SLC35F3: variants seen among roughly 807,000 people sequenced by gnomAD.
The protein encoded by SLC35F3 is putative thiamine transporter SLC35F3.
SLC35F3 carries 25 observed loss-of-function variants against 49.9 expected under a neutral mutation model. The observed-to-expected ratio is 0.50, with a 90% confidence interval of 0.37 to 0.70. SLC35F3 has a LOEUF of 0.70. Among genes scored for constraint, SLC35F3 ranks in the 30% least tolerant of loss-of-function variants. The pLI, the probability that SLC35F3 is intolerant of heterozygous loss-of-function variation, is 0.00. For synonymous variants in SLC35F3, 275 were observed against 265.4 expected (o/e 1.04, Z -0.35); for missense variants, 525 against 639.8 (o/e 0.82, Z 1.94).
At chr1:233,928,965 A>G (rs1296530327) in intron 2 of SLC35F3, among the ~76,000 whole-genome samples, 1 of 152,156 alleles carries the variant, frequency 6.6e-6, no homozygotes, top group African/African-American at 2.4e-5. Flanking sequence ...AAATTTAAAT[A>G]AAGTCTTAGT....
intron 2 of SLC35F3, among the ~76,000 whole-genome samples, chr1:233,976,756 G>A (rs1461254975): frequency 1.6e-4 from 24 of 152,050 alleles, no homozygotes; most frequent in Admixed American, 1.6e-3. Flanking sequence ...GATTACAGGT[G>A]TCTGCCACCA....
intron 2 of SLC35F3, among the ~76,000 whole-genome samples, chr1:234,174,015 C>T (rs1477280389): frequency 6.6e-6 from 1 of 152,230 alleles, no homozygotes; most frequent in Non-Finnish European, 1.5e-5. Context: ...GAACCAGAGG[C>T]CTCTTCCAGG....
intron 2 of SLC35F3, among the ~76,000 whole-genome samples, chr1:233,985,805 A>G (rs1236603463): frequency 6.6e-6 from 1 of 152,222 alleles, no homozygotes; most frequent in African/African-American, 2.4e-5. Flanking sequence ...ACCAGTCTTT[A>G]TGTGGGTGCA....
intron 2 of SLC35F3, among the ~76,000 whole-genome samples, chr1:234,006,810 G>C (rs1663637546): frequency 6.6e-6 from 1 of 152,122 alleles, no homozygotes; most frequent in Admixed American, 6.6e-5. Context: ...AATGAAGTGG[G>C]GAGCTACCAT....
intron 3 of SLC35F3, among the ~76,000 whole-genome samples, chr1:234,234,855 G>C (rs759343848): frequency 6.6e-6 from 1 of 152,180 alleles, no homozygotes. Flanking sequence ...GTGATCAAAT[G>C]ACACGCTGTA....
chr1:234,228,826 C>T lies in SLC35F3; in HGVS notation c.284-2591C>T, dbSNP rs146563693. 3.1e-3 allele frequency among the ~76,000 whole-genome samples: 466 copies of T among 152,262 alleles called. 5 individuals carry two copies. The highest frequency in any genetic ancestry group is 2.7e-3 in the Non-Finnish European group (183 of 68,024). On this transcript the variant is annotated intron_variant, in intron 2 of 7. Coordinates refer to ENST00000366618, the MANE Select transcript of SLC35F3 (RefSeq NM_173508.4). ...GAATTGTGATATCCCTGGGTGCTAA[C>T]ATCACTAAAAATTGCTTTTTCTTTT...
intron 3 of SLC35F3, among the ~76,000 whole-genome samples, chr1:234,302,761 TTC>T (rs751342941): frequency 6.6e-6 from 1 of 151,818 alleles, no homozygotes; most frequent in African/African-American, 2.4e-5. Context: ...ATTGCAGGGC[TTC>T]TCTCTCTCTC....
At chr1:234,039,565 T>C (rs1320484719) in intron 2 of SLC35F3, among the ~76,000 whole-genome samples, 3 of 152,122 alleles carry the variant, frequency 2.0e-5, no homozygotes, top group Admixed American at 6.5e-5. Flanking sequence ...GAAACAAGCA[T>C]GGAGAGGCAG....
At chr1:234,088,238 C>T (rs1664988948) in intron 2 of SLC35F3, among the ~76,000 whole-genome samples, 1 of 152,162 alleles carries the variant, frequency 6.6e-6, no homozygotes, top group Non-Finnish European at 1.5e-5. Context: ...TGTTTTGAGA[C>T]AGAGTCTCGC....
chr1:234,275,761 A>AT (rs201588632), intron 3 of SLC35F3, among the ~76,000 whole-genome samples: 2,089 of 137,264 alleles, frequency 0.015, 44 homozygotes, highest in African/African-American at 0.054. Flanking sequence ...TGAAAAAAAA[A>AT]AAATATATAT....
At chr1:233,981,643 G>A (rs1258748960) in intron 2 of SLC35F3, among the ~76,000 whole-genome samples, 3 of 151,338 alleles carry the variant, frequency 2.0e-5, no homozygotes, top group African/African-American at 7.3e-5. Flanking sequence ...TCTTTGTGTG[G>A]ACAGAATTCC....
In SLC35F3 at chr1:234,044,638, G is replaced by C. The variant is rs1340664216; in HGVS notation, c.283+138880G>C. On this transcript the variant is annotated intron_variant, in intron 2 of 7. Coordinates refer to ENST00000366618, the MANE Select transcript of SLC35F3 (RefSeq NM_173508.4). ...TTTTCAATTTTTGGTCAATTTCAAG[G>C]GTATAAAATTATTCATTTTTATTGC... is the stretch of plus-strand genomic sequence containing the variant. Among the ~76,000 whole-genome samples, 3 of 152,024 alleles carry C rather than the reference G, an allele frequency of 2.0e-5. No individual in the cohort carries two copies. The South Asian group carries it at 6.2e-4, about 31-fold the overall frequency.
chr1:233,912,876 C>T (rs547814274), intron 2 of SLC35F3, among the ~76,000 whole-genome samples: 1 of 152,214 alleles, frequency 6.6e-6, no homozygotes, highest in Non-Finnish European at 1.5e-5. Context: ...CCATGGGAAG[C>T]AAAACCATGG....
chr1:234,138,305 T>C (rs1266763030), intron 2 of SLC35F3, among the ~76,000 whole-genome samples: 3 of 152,204 alleles, frequency 2.0e-5, no homozygotes, highest in Non-Finnish European at 4.4e-5. Context: ...TACATTACTT[T>C]CCCTTTCAAT....
intron 3 of SLC35F3, among the ~76,000 whole-genome samples, chr1:234,235,006 A>T (rs369266426): frequency 9.2e-5 from 14 of 152,290 alleles, no homozygotes; most frequent in African/African-American, 3.4e-4. Context: ...AATTTAAACT[A>T]CGAGAGTGCC....
At chr1:234,264,082 C>G (rs1458425907) in intron 3 of SLC35F3, among the ~76,000 whole-genome samples, 1 of 152,152 alleles carries the variant, frequency 6.6e-6, no homozygotes, top group Non-Finnish European at 1.5e-5. Flanking sequence ...ACACTCCAGC[C>G]TGGGCGACAG....
chr1:233,953,636 G>A (rs913193633), intron 2 of SLC35F3, among the ~76,000 whole-genome samples: 16 of 152,324 alleles, frequency 1.1e-4, no homozygotes, highest in African/African-American at 3.8e-4. Flanking sequence ...CATCTGTTTA[G>A]CAGGCAGCTG....
rs933741508 is a variant in SLC35F3, at chr1:234,122,547, A to G, written c.284-108870A>G. On this transcript the variant is annotated intron_variant, in intron 2 of 7. Transcript: ENST00000366618. Reference sequence around the variant, plus strand: ...TACATGTACCATGGTGGTTTGCTGCACCTATCAACCCATCATCTAGGTTTT... The same window carrying G: ...TACATGTACCATGGTGGTTTGCTGCGCCTATCAACCCATCATCTAGGTTTT... 2.6e-5 allele frequency among the ~76,000 whole-genome samples: 4 copies of G among 152,230 alleles called. No individual in the cohort carries two copies. The South Asian group carries it at 8.3e-4, about 32-fold the overall frequency.
chr1:234,192,504 G>A (rs1666746234), intron 2 of SLC35F3, among the ~76,000 whole-genome samples: 1 of 152,054 alleles, frequency 6.6e-6, no homozygotes, highest in South Asian at 2.1e-4. Flanking sequence ...TACTGAATGG[G>A]GAAAAGTTGA....
Sources: gnomAD v4.1 joint callset for allele counts (sites outside exome capture counted in the v4.1 genomes callset) on GRCh38, gnomAD v4.1.1 for gene constraint, MANE v1.5 for transcripts, NCBI Gene and HGNC (gene_info 2026-07-23, HGNC 2026-07-21) for gene names.